PHTF1: variants seen among roughly 807,000 people sequenced by gnomAD.
The protein encoded by PHTF1 is putative homeodomain transcription factor 1.
A neutral mutation model predicts 102.4 loss-of-function variants in PHTF1; 88 were observed. The ratio of observed to expected loss-of-function variants is 0.86; its 90% CI spans 0.72 to 1.03. The LOEUF (loss-of-function observed/expected upper bound fraction) is 1.03. PHTF1 is among the 50% of genes least tolerant of loss of function. PHTF1 has a pLI of 0.00. For synonymous variants in PHTF1, 289 were observed against 305.2 expected (o/e 0.95, Z 0.55); for missense variants, 814 against 909.5 (o/e 0.89, Z 1.35).
chr1:113,735,365 C>CAAAAAAAAAAAAAAAAAAAAAAAAAA, intron 5 of PHTF1, among the ~76,000 whole-genome samples: 1 of 28,444 alleles, frequency 3.5e-5, no homozygotes, highest in Non-Finnish European at 5.9e-5. Flanking sequence ...GACTCTGTCT[C>CAAAAAAAAAAAAAAAAAAAAAAAAAA]AAAAAAAAAA....
intron 17 of PHTF1, 145 bp from the exon 18 acceptor site, chr1:113,698,532 A>G (rs939236858): frequency 4.5e-6 from 3 of 660,848 alleles, no homozygotes; most frequent in Non-Finnish European, 5.0e-6. Context: ...CAAAAAATCC[A>G]TAACGTGTTC....
chr1:113,726,631 C>A, intron 5 of PHTF1, 57 bp from the exon 6 acceptor site: 4 of 1,071,110 alleles, frequency 3.7e-6, no homozygotes, highest in Non-Finnish European at 5.3e-6. Context: ...AAAATTAATT[C>A]TAAAAACTAT....
chr1:113,698,514 G>A (rs776549320), intron 17 of PHTF1, 127 bp from the exon 18 acceptor site: 14 of 763,240 alleles, frequency 1.8e-5, no homozygotes, highest in African/African-American at 5.4e-5. Flanking sequence ...TATTCAAAGA[G>A]CTACCTTCAA....
Position 113,700,789 on chromosome 1 carries a change from A to T in PHTF1, c.2046+5T>A. Reference sequence around the variant, plus strand: ...CTAAACCCAATTGACAGGACTGATCAATACCTGTTCTGTAAGTAATATTGA... The same window carrying T: ...CTAAACCCAATTGACAGGACTGATCTATACCTGTTCTGTAAGTAATATTGA... On this transcript the variant is annotated splice_donor_5th_base_variant and intron_variant, in intron 16 of 18. Coordinates refer to ENST00000369604, the MANE Select transcript of PHTF1 (RefSeq NM_001323043.2). 6.2e-7 allele frequency: 1 copy of T among 1,613,128 alleles called. No individual in the cohort carries two copies. The highest frequency in any genetic ancestry group is 8.5e-7 in the Non-Finnish European group (1 of 1,179,214).
At chr1:113,733,475 AAC>A (rs1247634934) in intron 5 of PHTF1, among the ~76,000 whole-genome samples, 1 of 152,214 alleles carries the variant, frequency 6.6e-6, no homozygotes, top group Non-Finnish European at 1.5e-5. Flanking sequence ...AAGATGCTAT[AAC>A]ATATGTCCCC....
chr1:113,703,535 T>C (rs1296912924), intron 15 of PHTF1, among the ~76,000 whole-genome samples: 1 of 152,114 alleles, frequency 6.6e-6, no homozygotes, highest in Non-Finnish European at 1.5e-5. Context: ...TTTTTTCTTT[T>C]TTTTTCATGG....
intron 17 of PHTF1, among the ~76,000 whole-genome samples, chr1:113,698,620 T>TACACAC (rs56167437): frequency 3.4e-3 from 169 of 49,744 alleles, no homozygotes; most frequent in African/African-American, 6.4e-3. Flanking sequence ...TATATATATA[T>TACACAC]ACACACACAC....
chr1:113,741,330 G>T (rs182034713), intron 3 of PHTF1, among the ~76,000 whole-genome samples: 15 of 152,260 alleles, frequency 9.9e-5, no homozygotes, highest in African/African-American at 3.1e-4. Flanking sequence ...ATTTGAAAAT[G>T]AGGCAACTCA....
At chr1:113,697,860 A>T in intron 18 of PHTF1, 135 bp from the exon 19 acceptor site, 1 of 642,810 alleles carries the variant, frequency 1.6e-6, no homozygotes, top group Admixed American at 2.8e-5. Context: ...TAGCAACCAT[A>T]GAACATCATA....
chr1:113,718,505 G>A (rs967648026), intron 7 of PHTF1, among the ~76,000 whole-genome samples: 1 of 152,192 alleles, frequency 6.6e-6, no homozygotes, highest in Non-Finnish European at 1.5e-5. Flanking sequence ...CTGTGTGGGG[G>A]CTCCGACCCC....
At chr1:113,750,655 G>A (rs570675930) in intron 3 of PHTF1, among the ~76,000 whole-genome samples, 1 of 150,396 alleles carries the variant, frequency 6.6e-6, no homozygotes. Context: ...TCAAGAGATC[G>A]AGCCATCCTG....
chr1:113,755,936 G>A (rs541033114), intron 3 of PHTF1, among the ~76,000 whole-genome samples: 7 of 151,756 alleles, frequency 4.6e-5, no homozygotes, highest in South Asian at 4.2e-4. Context: ...GCATGGTGGC[G>A]GGCCCCTGTA....
chr1:113,723,982 A>G (rs944551688), intron 7 of PHTF1, among the ~76,000 whole-genome samples: 19 of 152,246 alleles, frequency 1.2e-4, no homozygotes, highest in Non-Finnish European at 2.5e-4. Context: ...ACATTTCTCA[A>G]AAGAAGACAT....
intron 7 of PHTF1, among the ~76,000 whole-genome samples, chr1:113,723,212 C>G (rs532600995): frequency 5.5e-4 from 82 of 149,154 alleles, no homozygotes; most frequent in African/African-American, 2.0e-3. Context: ...GGGTCACACT[C>G]TGTCACCTAG....
At chr1:113,726,309 A>G in intron 6 of PHTF1, 109 bp downstream of exon 6, 1 of 881,988 alleles carries the variant, frequency 1.1e-6, no homozygotes, top group Non-Finnish European at 1.7e-6. Flanking sequence ...AAGCCAAAAA[A>G]TAATGAAAAA....
Position 113,738,266 on chromosome 1 carries a change from A to G in PHTF1, c.175T>C (p.Ser59Pro). The change falls in exon 5 of 19, where the codon TCA (serine) becomes CCA (proline). Residue 59 changes from serine (S) to proline (P), a missense_variant and splice_region_variant. By Grantham distance (74) the Ser-to-Pro change is moderately conservative. Transcript: ENST00000369604. ...DLIDVDLIRG[S>P]TFAKAKPEIP... ...TCAGGTTTTGCTTTGGCAAATGTTG[A>G]CCCTTTAAACATACAATAAAACAAA... 1 of 1,612,388 alleles carries G rather than the reference A, an allele frequency of 6.2e-7. No individual in the cohort carries two copies. Among genetic ancestry groups the G allele is most frequent in the East Asian group, 2.2e-5 (1 of 44,850 alleles).
At chr1:113,713,483 C>A in intron 7 of PHTF1, 45 bp from the exon 8 acceptor site, 1 of 1,077,088 alleles carries the variant, frequency 9.3e-7, no homozygotes, top group Non-Finnish European at 1.4e-6. Flanking sequence ...TTGAAAGTAA[C>A]ACCTTTCATG....
chr1:113,741,532 C>A (rs1571222352), intron 3 of PHTF1, among the ~76,000 whole-genome samples: 1 of 152,158 alleles, frequency 6.6e-6, no homozygotes, highest in Non-Finnish European at 1.5e-5. Context: ...CAGTGCTATT[C>A]CCCATCACTT....
chr1:113,706,996 T>C (rs1650315679), intron 11 of PHTF1, among the ~76,000 whole-genome samples: 2 of 151,590 alleles, frequency 1.3e-5, no homozygotes, highest in African/African-American at 2.4e-5. Context: ...CATACCACCA[T>C]GGCTCGCTAG....
Sources: allele counts gnomAD v4.1 joint callset (sites outside exome capture counted in the v4.1 genomes callset), GRCh38; gene constraint gnomAD v4.1.1; transcripts MANE v1.5; gene names NCBI Gene and HGNC (gene_info 2026-07-23, HGNC 2026-07-21).